The following ECPAS variants were observed in gnomAD, a reference collection of about 807,000 sequenced individuals.
The protein encoded by ECPAS is proteasome adapter and scaffold protein ECM29.
In ECPAS, 70 loss-of-function variants were observed where a neutral mutation model predicts 255.1. That is an observed-to-expected ratio of 0.27 (90% confidence interval 0.23 to 0.33). The LOEUF (loss-of-function observed/expected upper bound fraction) is 0.33, where lower values mean the gene tolerates loss of function less well. Among genes scored for constraint, ECPAS ranks in the 10% least tolerant of loss-of-function variants. ECPAS has a pLI of 1.00. For synonymous variants in ECPAS, 784 were observed against 775.0 expected (o/e 1.01, Z -0.19); for missense variants, 1,817 against 2,206.4 (o/e 0.82, Z 3.54).
chr9:111,413,843 G>C, intron 20 of ECPAS, 52 bp downstream of exon 20: 1 of 1,141,976 alleles, frequency 8.8e-7, no homozygotes, highest in South Asian at 1.5e-5. Flanking sequence ...AAATCATGAA[G>C]TTAAGGTCTG....
Position 111,386,498 on chromosome 9 carries a change from T to C in ECPAS, c.3448-42A>G, listed in dbSNP as rs779159211. 3.6e-5 allele frequency: 42 copies of C among 1,158,912 alleles called. No individual in the cohort carries two copies. In the South Asian group the frequency reaches 5.3e-4, roughly 15 times the overall value. 71.8% of individuals were successfully genotyped at this position (1,158,912 alleles called of 1,614,324 possible). On this transcript the variant is annotated intron_variant, in intron 31 of 49. Coordinates refer to ENST00000684092, the MANE Select transcript of ECPAS (RefSeq NM_001364929.1). ...GATAAAATTTAAAATGCAAAATCCA[T>C]CAATAATCAAATTACTCAACTCTTA... is the stretch of plus-strand genomic sequence containing the variant.
In ECPAS at chr9:111,433,298, A is replaced by C. The variant is rs1320856982; in HGVS notation, c.783T>G (p.Ile261Met). 2.5e-6 allele frequency: 4 copies of C among 1,613,890 alleles called. No individual in the cohort carries two copies. The highest frequency in any genetic ancestry group is 3.4e-6 in the Non-Finnish European group (4 of 1,179,868). ...CACTGTGGCGTGTATCACTAGAGGCAATCACCAAGTGGAGAACAGCTTCAA... is the reference window on the plus strand; with the variant it reads ...CACTGTGGCGTGTATCACTAGAGGCCATCACCAAGTGGAGAACAGCTTCAA... The part of the protein sequence containing the change: ...PELEAVLHLV[I>M]ASSDTRHSVA... Residue 261 changes from isoleucine (I) to methionine (M), a missense_variant, in exon 8 of 50, where the codon ATT becomes ATG. Coordinates refer to ENST00000684092, the MANE Select transcript of ECPAS (RefSeq NM_001364929.1).
chr9:111,374,109 G>T, intron 38 of ECPAS, 71 bp from the exon 39 acceptor site: 1 of 1,223,386 alleles, frequency 8.2e-7, no homozygotes, highest in Non-Finnish European at 1.2e-6. Context: ...CATTGGCTTA[G>T]GTGCCAAAAA....
intron 24 of ECPAS, among the ~76,000 whole-genome samples, chr9:111,402,022 A>G (rs1362059270): frequency 1.3e-5 from 2 of 152,260 alleles, no homozygotes; most frequent in East Asian, 3.8e-4. Context: ...TGATGATGGG[A>G]TTAAGAGATA....
intron 6 of ECPAS, among the ~76,000 whole-genome samples, chr9:111,437,439 A>C (rs2098239784): frequency 6.6e-6 from 1 of 152,212 alleles, no homozygotes; most frequent in South Asian, 2.1e-4. Flanking sequence ...TTGAGCTGCC[A>C]AATATGAGGA....
Position 111,417,997 on chromosome 9 carries a change from T to A in ECPAS, c.1569A>T (p.Glu523Asp). The A allele has an allele frequency of 6.3e-7, 1 of 1,592,212 alleles. No homozygotes were observed. The change falls in exon 17 of 50, where the codon GAA becomes GAT. Residue 523 changes from glutamate to aspartate, a missense_variant. Transcript: ENST00000684092. ...LLLAAGDPREEVHGEAQRVLR... is the reference protein window; with the variant it reads ...LLLAAGDPREDVHGEAQRVLR... The stretch of plus-strand genomic sequence containing the variant: ...ATACGCGTTGTGCTTCTCCATGAAC[T>A]TCTTCACGTCTTTCAGAAAAAGACA...
chr9:111,434,896 CTTTTT>C (rs3031129), intron 7 of ECPAS, among the ~76,000 whole-genome samples: 6 of 92,180 alleles, frequency 6.5e-5, no homozygotes, highest in Non-Finnish European at 7.9e-5. Flanking sequence ...CCACATCTGG[CTTTTT>C]TTTTTTTTTT....
At chr9:111,371,363 C>T (rs753773189) in intron 43 of ECPAS, among the ~76,000 whole-genome samples, 8 of 152,092 alleles carry the variant, frequency 5.3e-5, no homozygotes, top group Admixed American at 2.6e-4. Flanking sequence ...TGGTTTAAGA[C>T]GTAACTTGGA....
chr9:111,361,927 T>A lies in ECPAS; in HGVS notation c.*103A>T. On this transcript the variant is annotated 3_prime_UTR_variant, in exon 50 of 50. Transcript: ENST00000684092. ...TTTATTTCAGCCAAGGAATGATGCA[T>A]GCTACAGATTAATCTTTACTTTTTC... The A allele has an allele frequency of 3.1e-6, 4 of 1,292,404 alleles. No homozygotes were observed. The allele number at this position is 1,292,404 out of a possible 1,614,324, so 80.1% of individuals were successfully genotyped here. A position where few individuals can be genotyped will look rare whatever the true frequency, so the allele number is the denominator to read the frequency against.
intron 2 of ECPAS, among the ~76,000 whole-genome samples, chr9:111,458,070 T>C (rs558469145): frequency 1.3e-5 from 2 of 152,324 alleles, no homozygotes; most frequent in South Asian, 4.1e-4. Flanking sequence ...GCATATATTA[T>C]GGGGACAATT....
intron 24 of ECPAS, among the ~76,000 whole-genome samples, chr9:111,400,424 C>G (rs75346150): frequency 6.6e-6 from 1 of 152,302 alleles, no homozygotes; most frequent in East Asian, 1.9e-4. Context: ...TCACCCTAAA[C>G]AAACAGACTA....
intron 15 of ECPAS, 65 bp downstream of exon 15, chr9:111,421,856 T>C: frequency 6.4e-7 from 1 of 1,563,932 alleles, no homozygotes; most frequent in South Asian, 1.2e-5. Flanking sequence ...AAGTAGCAAT[T>C]CAAATTTTGT....
chr9:111,372,688 AT>A, intron 41 of ECPAS, 68 bp from the exon 42 acceptor site: 1 of 1,203,340 alleles, frequency 8.3e-7, no homozygotes, highest in Non-Finnish European at 1.2e-6. Context: ...TAAACAGGCT[AT>A]TGTTCAACTC....
chr9:111,384,461 A>G, intron 34 of ECPAS, 61 bp downstream of exon 34: 1 of 1,452,248 alleles, frequency 6.9e-7, no homozygotes, highest in Non-Finnish European at 9.7e-7. Context: ...TAAGTAAATC[A>G]TTGTCATGGT....
At chr9:111,365,019 T>C (rs1467823843) in intron 48 of ECPAS, among the ~76,000 whole-genome samples, 1 of 152,062 alleles carries the variant, frequency 6.6e-6, no homozygotes, top group East Asian at 1.9e-4. Context: ...TAAAATTCAA[T>C]AAATAATCCT....
intron 1 of ECPAS, among the ~76,000 whole-genome samples, chr9:111,482,742 A>C (rs947383744): frequency 1.3e-5 from 2 of 152,096 alleles, no homozygotes; most frequent in African/African-American, 2.4e-5. Context: ...TGTCCTATGA[A>C]ACTTCGGTAT....
intron 2 of ECPAS, among the ~76,000 whole-genome samples, chr9:111,461,325 C>T (rs2098272841): frequency 8.6e-5 from 13 of 151,032 alleles, no homozygotes; most frequent in South Asian, 2.1e-4. Context: ...TTTAGCTGGG[C>T]GTGGTGGCGT....
chr9:111,362,381 C>T (rs1302537374), intron 49 of ECPAS, among the ~76,000 whole-genome samples: 4 of 151,948 alleles, frequency 2.6e-5, no homozygotes, highest in East Asian at 1.9e-4. Flanking sequence ...TTGACAGTAG[C>T]GTAGAGGCAC....
At chr9:111,382,941 A>C (rs1485428665) in intron 35 of ECPAS, among the ~76,000 whole-genome samples, 1 of 152,358 alleles carries the variant, frequency 6.6e-6, no homozygotes, top group East Asian at 1.9e-4. Flanking sequence ...CATGCTCCTG[A>C]GGACCTACAG....
Sources: allele counts gnomAD v4.1 joint callset (sites outside exome capture counted in the v4.1 genomes callset), GRCh38; gene constraint gnomAD v4.1.1; transcripts MANE v1.5; gene names NCBI Gene and HGNC (gene_info 2026-07-23, HGNC 2026-07-21).